TMEM108: variants seen among roughly 807,000 people sequenced by gnomAD.
TMEM108 encodes transmembrane protein 108.
In TMEM108, 12 loss-of-function variants were observed where a neutral mutation model predicts 35.1. That is an observed-to-expected ratio of 0.34 (90% CI 0.22 to 0.55). TMEM108 has a LOEUF of 0.55. TMEM108 is among the 20% of genes least tolerant of loss of function. The pLI is 0.89. For synonymous variants in TMEM108, 287 were observed against 308.6 expected, an observed-to-expected ratio of 0.93 and a Z score of 0.73; for missense variants, 680 against 753.3, an observed-to-expected ratio of 0.90 and a Z score of 1.14.
chr3:133,362,339 C>T lies in TMEM108; in HGVS notation c.41-17413C>T, dbSNP rs1221138531. ...GAAAGATGAGTTTGTTCTGAACCTG[C>T]AGCCTCCTCCACAGTGATGATGTCC... On this transcript the variant is annotated intron_variant, in intron 3 of 5. Coordinates refer to ENST00000321871, the MANE Select transcript of TMEM108 (RefSeq NM_023943.4). 2.6e-5 allele frequency among the ~76,000 whole-genome samples: 4 copies of T among 152,176 alleles called. No homozygotes were observed. In the East Asian group the frequency reaches 7.7e-4, roughly 29 times the overall value.
intron 2 of TMEM108, among the ~76,000 whole-genome samples, chr3:133,122,882 T>C (rs996176824): frequency 7.4e-6 from 1 of 134,994 alleles, no homozygotes. Context: ...AAAAAAAAAA[T>C]TGGTCAACAT....
chr3:133,185,666 G>A (rs76900114), intron 2 of TMEM108, among the ~76,000 whole-genome samples: 2,714 of 151,872 alleles, frequency 0.018, 70 homozygotes, highest in African/African-American at 0.062. Context: ...AGACTTCAGT[G>A]AGTGCTCATT....
At chr3:133,390,408 T>C in intron 5 of TMEM108, 74 bp downstream of exon 5, 1 of 1,544,472 alleles carries the variant, frequency 6.5e-7, no homozygotes, top group Non-Finnish European at 8.8e-7. Context: ...ATCTGCTCAT[T>C]TCTGAGTGCC....
intron 3 of TMEM108, among the ~76,000 whole-genome samples, chr3:133,274,960 A>G (rs963753966): frequency 6.6e-6 from 1 of 152,224 alleles, no homozygotes; most frequent in African/African-American, 2.4e-5. Flanking sequence ...AAATATCTCA[A>G]AACCATTGGT....
At chr3:133,264,035 A>T (rs1010627808) in intron 3 of TMEM108, among the ~76,000 whole-genome samples, 5 of 152,126 alleles carry the variant, frequency 3.3e-5, no homozygotes, top group Non-Finnish European at 7.4e-5. Context: ...ACCAAGTGTG[A>T]TGATGCATAC....
At chr3:133,394,013 T>C (rs933126771) in intron 5 of TMEM108, among the ~76,000 whole-genome samples, 5 of 152,202 alleles carry the variant, frequency 3.3e-5, no homozygotes, top group African/African-American at 1.2e-4. Flanking sequence ...TTTTGCTGTT[T>C]CCCTCCCAGC....
At chr3:133,342,690 A>C (rs2071701976) in intron 3 of TMEM108, among the ~76,000 whole-genome samples, 1 of 150,628 alleles carries the variant, frequency 6.6e-6, no homozygotes, top group African/African-American at 2.4e-5. Flanking sequence ...CTTCTTAGTC[A>C]TGTGGGAGCT....
intron 3 of TMEM108, among the ~76,000 whole-genome samples, chr3:133,296,038 C>A (rs566137295): frequency 6.6e-6 from 1 of 152,090 alleles, no homozygotes; most frequent in South Asian, 2.1e-4. Context: ...ATTTTCCCCC[C>A]AAAAAAAGTA....
intron 3 of TMEM108, among the ~76,000 whole-genome samples, chr3:133,280,080 A>C (rs753646180): frequency 1.3e-5 from 2 of 152,014 alleles, no homozygotes; most frequent in Admixed American, 6.5e-5. Flanking sequence ...AGAAGGATTT[A>C]AAAGATCCCC....
At chr3:133,064,351 A>G (rs1005688298) in intron 2 of TMEM108, among the ~76,000 whole-genome samples, 9 of 152,218 alleles carry the variant, frequency 5.9e-5, no homozygotes, top group Non-Finnish European at 1.2e-4. Context: ...TTGAAATTCA[A>G]AATGAACTCC....
At chr3:133,230,277 C>G (rs987440623) in intron 3 of TMEM108, among the ~76,000 whole-genome samples, 2 of 152,308 alleles carry the variant, frequency 1.3e-5, no homozygotes, top group South Asian at 4.1e-4. Context: ...AGTAATTCAG[C>G]TTATGTTGTA....
chr3:133,180,255 G>A (rs900239089), intron 2 of TMEM108, among the ~76,000 whole-genome samples: 1 of 152,074 alleles, frequency 6.6e-6, no homozygotes, highest in Non-Finnish European at 1.5e-5. Flanking sequence ...TCAAATGGAA[G>A]AACTTCCAAC....
At chr3:133,120,831 A>G (rs1411703340) in intron 2 of TMEM108, 3 of 152,218 alleles carry the variant, frequency 2.0e-5, no homozygotes, top group African/African-American at 4.8e-5. Context: ...GGATGCATGC[A>G]TCTAAGAGCA....
At chr3:133,200,392 G>A (rs949993200) in intron 2 of TMEM108, among the ~76,000 whole-genome samples, 1 of 152,174 alleles carries the variant, frequency 6.6e-6, no homozygotes, top group African/African-American at 2.4e-5. Context: ...AGCGAGCTCA[G>A]CCAAGAGAGA....
At chr3:133,222,521 T>C (rs1199116381) in intron 2 of TMEM108, among the ~76,000 whole-genome samples, 2 of 152,138 alleles carry the variant, frequency 1.3e-5, no homozygotes, top group African/African-American at 2.4e-5. Flanking sequence ...AAATATTTGC[T>C]CTTTTGTTGT....
intron 3 of TMEM108, among the ~76,000 whole-genome samples, chr3:133,285,169 T>G (rs1946966899): frequency 6.6e-6 from 1 of 152,254 alleles, no homozygotes; most frequent in Non-Finnish European, 1.5e-5. Context: ...TGGTGGCTAT[T>G]GAGCCCTTGA....
intron 2 of TMEM108, among the ~76,000 whole-genome samples, chr3:133,114,420 G>A (rs191936703): frequency 6.6e-6 from 1 of 152,276 alleles, no homozygotes; most frequent in Non-Finnish European, 1.5e-5. Flanking sequence ...AGGAGATGCT[G>A]GCGAGTCATA....
At chr3:133,271,511 A>G (rs938480099) in intron 3 of TMEM108, among the ~76,000 whole-genome samples, 4 of 152,200 alleles carry the variant, frequency 2.6e-5, no homozygotes, top group African/African-American at 9.6e-5. Flanking sequence ...TGTGGTGTCA[A>G]GTCTCTGGAG....
intron 2 of TMEM108, among the ~76,000 whole-genome samples, chr3:133,224,499 G>A (rs1946039037): frequency 6.6e-6 from 1 of 152,124 alleles, no homozygotes; most frequent in Admixed American, 6.5e-5. Context: ...CACATGTTGT[G>A]GGAAGGGGGA....
Sources: gnomAD v4.1 joint callset for allele counts (sites outside exome capture counted in the v4.1 genomes callset) on GRCh38, gnomAD v4.1.1 for gene constraint, MANE v1.5 for transcripts, NCBI Gene and HGNC (gene_info 2026-07-23, HGNC 2026-07-21) for gene names.